ZBTB20: variants seen among roughly 807,000 people sequenced by gnomAD.
The protein encoded by ZBTB20 is zinc finger and BTB domain containing 20.
ZBTB20 carries 9 observed loss-of-function variants against 56.9 expected under a neutral mutation model. The ratio of observed to expected loss-of-function variants is 0.16; its 90% CI spans 0.10 to 0.28. The LOEUF (loss-of-function observed/expected upper bound fraction) is 0.28, where lower values mean the gene tolerates loss of function less well. Ranked by LOEUF, ZBTB20 falls within the 10% of genes least tolerant of loss-of-function variation. The probability of loss-of-function intolerance (pLI) is 1.00; values close to 1 mark genes in which losing one functional copy is unlikely to be tolerated. For missense variants in ZBTB20, 655 were observed against 1,003.0 expected (o/e 0.65, Z 4.69); for synonymous variants, 417 against 420.7 (o/e 0.99, Z 0.11).
At chr3:114,354,276 AACTG>A (rs1376985709) in intron 10 of ZBTB20, among the ~76,000 whole-genome samples, 2 of 152,232 alleles carry the variant, frequency 1.3e-5, no homozygotes, top group Non-Finnish European at 2.9e-5. Flanking sequence ...TAAGCAGTAA[AACTG>A]GTTGTGTCTG....
intron 6 of ZBTB20, among the ~76,000 whole-genome samples, chr3:114,575,085 T>C (rs926707659): frequency 6.6e-6 from 1 of 152,182 alleles, no homozygotes; most frequent in Non-Finnish European, 1.5e-5. Context: ...GAACTACCCA[T>C]GGTCATGGAG....
At chr3:115,145,357 T>C (rs1048128791) in intron 1 of ZBTB20, among the ~76,000 whole-genome samples, 1 of 152,244 alleles carries the variant, frequency 6.6e-6, no homozygotes, top group African/African-American at 2.4e-5. Context: ...TCAGTATCCA[T>C]GGGAGATTGG....
At chr3:114,547,544 TGAAA>T (rs2050041686) in intron 6 of ZBTB20, among the ~76,000 whole-genome samples, 1 of 152,124 alleles carries the variant, frequency 6.6e-6, no homozygotes, top group Non-Finnish European at 1.5e-5. Context: ...GGACAGTAAT[TGAAA>T]AAGAAAACTG....
chr3:114,613,517 TTAAG>T (rs2107705046), intron 6 of ZBTB20, among the ~76,000 whole-genome samples: 1 of 152,200 alleles, frequency 6.6e-6, no homozygotes, highest in South Asian at 2.1e-4. Context: ...CATGAAAGAC[TTAAG>T]TAATAAGATG....
chr3:115,012,808 T>C (rs2108268109), intron 2 of ZBTB20, among the ~76,000 whole-genome samples: 1 of 151,904 alleles, frequency 6.6e-6, no homozygotes, highest in East Asian at 2.0e-4. Flanking sequence ...GGATAGACCA[T>C]ACGTCGGGTC....
chr3:114,316,154 A>G lies in ZBTB20; in HGVS notation c.*22851T>C, dbSNP rs2078676825. The G allele has an allele frequency of 4.1e-6, 1 of 246,910 alleles. No homozygotes were observed. The highest frequency in any genetic ancestry group is 1.7e-4 in the East Asian group (1 of 5,726). 15.3% of individuals were successfully genotyped at this position (246,910 alleles called of 1,614,324 possible). A position where few individuals can be genotyped will look rare whatever the true frequency, so the allele number is the denominator to read the frequency against. ...ATGTTTTTCATAGCCAGAAACTGAA[A>G]TCAAATCAACATGACTAAAAGAAAT... On this transcript the variant is annotated 3_prime_UTR_variant, in exon 12 of 12. Coordinates refer to ENST00000675478, the MANE Select transcript of ZBTB20 (RefSeq NM_001348800.3).
At chr3:114,421,690 T>C (rs11928677) in intron 7 of ZBTB20, among the ~76,000 whole-genome samples, 2,514 of 152,200 alleles carry the variant, frequency 0.017, 83 homozygotes, top group African/African-American at 0.058. Flanking sequence ...AACCTAGCCA[T>C]AAAAATGTAC....
chr3:114,739,844 G>A (rs1267551896), intron 5 of ZBTB20, among the ~76,000 whole-genome samples: 1 of 152,156 alleles, frequency 6.6e-6, no homozygotes, highest in East Asian at 1.9e-4. Flanking sequence ...CTTGCTCCTT[G>A]AGCAAACCTT....
chr3:114,789,589 C>A (rs908741860), intron 5 of ZBTB20, among the ~76,000 whole-genome samples: 1 of 151,894 alleles, frequency 6.6e-6, no homozygotes, highest in Non-Finnish European at 1.5e-5. Context: ...TTTTAAAAGC[C>A]GGTTAGGGCC....
intron 1 of ZBTB20, among the ~76,000 whole-genome samples, chr3:115,078,604 T>TGA (rs1349869633): frequency 1.3e-4 from 18 of 136,382 alleles, no homozygotes; most frequent in African/African-American, 5.3e-4. Flanking sequence ...TATGTGTGTG[T>TGA]GTGTGTGTGT....
At chr3:114,550,226 C>G (rs1321612547) in intron 6 of ZBTB20, among the ~76,000 whole-genome samples, 2 of 152,240 alleles carry the variant, frequency 1.3e-5, no homozygotes, top group Admixed American at 6.5e-5. Flanking sequence ...GCATGAGCCA[C>G]TGTGCCCACC....
intron 2 of ZBTB20, among the ~76,000 whole-genome samples, chr3:115,058,747 T>G (rs1344308439): frequency 6.6e-6 from 1 of 152,056 alleles, no homozygotes; most frequent in Non-Finnish European, 1.5e-5. Flanking sequence ...CAGCCTTTGA[T>G]TGTCCAAGTA....
At chr3:114,710,714 A>G (rs2064014393) in intron 5 of ZBTB20, among the ~76,000 whole-genome samples, 1 of 152,166 alleles carries the variant, frequency 6.6e-6, no homozygotes, top group African/African-American at 2.4e-5. Flanking sequence ...CTGGGCTACT[A>G]TGATAACTAC....
chr3:115,006,400 T>C (rs2079471968), intron 2 of ZBTB20, among the ~76,000 whole-genome samples: 1 of 151,554 alleles, frequency 6.6e-6, no homozygotes, highest in South Asian at 2.1e-4. Context: ...AAGTCTTTGT[T>C]TTCTCCACTC....
intron 7 of ZBTB20, among the ~76,000 whole-genome samples, chr3:114,417,697 C>T (rs1322096509): frequency 1.3e-5 from 2 of 151,930 alleles, no homozygotes; most frequent in African/African-American, 4.8e-5. Flanking sequence ...GGAAATCCTT[C>T]CAGATGAATA....
At chr3:114,785,826 A>C (rs2070441382) in intron 5 of ZBTB20, among the ~76,000 whole-genome samples, 1 of 152,100 alleles carries the variant, frequency 6.6e-6, no homozygotes, top group African/African-American at 2.4e-5. Flanking sequence ...AATTTAATGG[A>C]TGCAAGTCAG....
chr3:114,945,822 T>C (rs1297265420), intron 3 of ZBTB20, among the ~76,000 whole-genome samples: 1 of 144,046 alleles, frequency 6.9e-6, no homozygotes, highest in Non-Finnish European at 1.5e-5. Flanking sequence ...ATACAGAAAA[T>C]GTGAAAGGAA....
At chr3:114,347,587 C>A (rs943751746) in intron 11 of ZBTB20, among the ~76,000 whole-genome samples, 2 of 152,174 alleles carry the variant, frequency 1.3e-5, no homozygotes. Context: ...GAAATGCGAG[C>A]TACAATGAAC....
At chr3:114,767,329 G>T (rs1376139177) in intron 5 of ZBTB20, among the ~76,000 whole-genome samples, 2 of 151,998 alleles carry the variant, frequency 1.3e-5, no homozygotes, top group Non-Finnish European at 2.9e-5. Flanking sequence ...TAGTACTTCT[G>T]CAGAACAGAG....
Sources: allele counts gnomAD v4.1 joint callset (sites outside exome capture counted in the v4.1 genomes callset), GRCh38; gene constraint gnomAD v4.1.1; transcripts MANE v1.5; gene names NCBI Gene and HGNC (gene_info 2026-07-23, HGNC 2026-07-21).